The following OCA2 variants were observed in gnomAD, a reference collection of about 807,000 sequenced individuals.
OCA2 encodes OCA2 melanosomal transmembrane protein.
In OCA2, 77 loss-of-function variants were observed where a neutral mutation model predicts 100.2. The observed-to-expected ratio is 0.77, with a 90% confidence interval of 0.64 to 0.93. OCA2 has a LOEUF of 0.93. Among genes scored for constraint, OCA2 ranks in the 40% least tolerant of loss-of-function variants. The probability of loss-of-function intolerance (pLI) is 0.00; values close to 1 mark genes in which losing one functional copy is unlikely to be tolerated. For synonymous variants in OCA2, 432 were observed against 439.2 expected, an observed-to-expected ratio of 0.98 and a Z score of 0.21; for missense variants, 1,062 against 1,089.1, an observed-to-expected ratio of 0.98 and a Z score of 0.35.
intron 15 of OCA2, among the ~76,000 whole-genome samples, chr15:27,965,809 GT>G (rs2040546132): frequency 6.6e-6 from 1 of 152,206 alleles, no homozygotes; most frequent in Non-Finnish European, 1.5e-5. Flanking sequence ...AAGGCTGCTT[GT>G]TTCCCAAATA....
intron 23 of OCA2, among the ~76,000 whole-genome samples, chr15:27,825,699 A>G (rs571420101): frequency 6.6e-6 from 1 of 152,036 alleles, no homozygotes; most frequent in Non-Finnish European, 1.5e-5. Flanking sequence ...GGTTCTCCCA[A>G]CCCCACCTTT....
chr15:27,848,287 C>A (rs114608416), intron 22 of OCA2, among the ~76,000 whole-genome samples: 418 of 152,300 alleles, frequency 2.7e-3, no homozygotes, highest in Admixed American at 4.5e-3. Context: ...TTATGAGGAC[C>A]ATCACCACCT....
chr15:27,935,093 G>A lies in OCA2; in HGVS notation c.1952-8839C>T, dbSNP rs367883505. ...GGTGAGGCAGTGGTTCTTCCACAGTGTACTGGAAGCAAAAGCCACTGACGG... is the reference window on the plus strand; with the variant it reads ...GGTGAGGCAGTGGTTCTTCCACAGTATACTGGAAGCAAAAGCCACTGACGG... On this transcript the variant is annotated intron_variant, in intron 18 of 23. Transcript: ENST00000354638. Among the ~76,000 whole-genome samples the A allele has an allele frequency of 3.0e-4, 45 of 152,292 alleles. 2 individuals carry two copies. In the South Asian group the frequency reaches 8.3e-3, roughly 28 times the overall value.
At chr15:27,770,310 G>T (rs547258773) in intron 23 of OCA2, among the ~76,000 whole-genome samples, 1 of 152,294 alleles carries the variant, frequency 6.6e-6, no homozygotes, top group Non-Finnish European at 1.5e-5. Flanking sequence ...ACCCCAAGCC[G>T]GGAGGGGCCA....
At chr15:27,836,640 TG>T (rs1296943358) in intron 23 of OCA2, among the ~76,000 whole-genome samples, 5 of 152,252 alleles carry the variant, frequency 3.3e-5, no homozygotes, top group Admixed American at 1.3e-4. Context: ...GCAACTGTTT[TG>T]ACCTTTGAGA....
At chr15:27,894,089 C>T (rs1368631148) in intron 19 of OCA2, among the ~76,000 whole-genome samples, 10 of 152,212 alleles carry the variant, frequency 6.6e-5, no homozygotes, top group African/African-American at 2.4e-4. Flanking sequence ...CAGCAGCCCA[C>T]CTGTAAAATT....
intron 23 of OCA2, among the ~76,000 whole-genome samples, chr15:27,819,121 G>C (rs1217554791): frequency 6.6e-6 from 1 of 152,190 alleles, no homozygotes; most frequent in Non-Finnish European, 1.5e-5. Context: ...TGTTTCCTCA[G>C]CTGTTCAATA....
intron 15 of OCA2, among the ~76,000 whole-genome samples, chr15:27,961,160 AAAG>A (rs1458014154): frequency 6.6e-6 from 1 of 152,270 alleles, no homozygotes; most frequent in Non-Finnish European, 1.5e-5. Flanking sequence ...ACACTTCTCA[AAAG>A]AAGACATTTA....
At chr15:27,809,975 A>C (rs963595846) in intron 23 of OCA2, among the ~76,000 whole-genome samples, 1 of 152,242 alleles carries the variant, frequency 6.6e-6, no homozygotes, top group Non-Finnish European at 1.5e-5. Flanking sequence ...TGAAATTCCC[A>C]TCAAAATGCG....
At chr15:28,003,780 C>A (rs1212008305) in intron 9 of OCA2, among the ~76,000 whole-genome samples, 1 of 152,328 alleles carries the variant, frequency 6.6e-6, no homozygotes, top group East Asian at 1.9e-4. Context: ...CGGTCCCACC[C>A]CTAGCCCAGC....
intron 16 of OCA2, 36 bp from the exon 17 acceptor site, chr15:27,955,251 G>A (rs773184031): frequency 3.4e-6 from 5 of 1,490,012 alleles, no homozygotes; most frequent in Non-Finnish European, 4.7e-6. Context: ...TACTTCCCTG[G>A]TCACGCTGCG....
intron 19 of OCA2, among the ~76,000 whole-genome samples, chr15:27,886,952 T>C (rs906888843): frequency 1.3e-5 from 2 of 152,282 alleles, no homozygotes; most frequent in African/African-American, 2.4e-5. Flanking sequence ...ATAATTCTCA[T>C]GTGTTGTGGG....
At chr15:27,809,076 T>C (rs974621727) in intron 23 of OCA2, among the ~76,000 whole-genome samples, 4 of 152,146 alleles carry the variant, frequency 2.6e-5, no homozygotes, top group African/African-American at 7.2e-5. Flanking sequence ...CTCCTTCCCC[T>C]CAGTCCCCTC....
chr15:27,770,909 TCCC>T (rs2031750581), intron 23 of OCA2, among the ~76,000 whole-genome samples: 3 of 34,958 alleles, frequency 8.6e-5, no homozygotes, highest in Non-Finnish European at 1.3e-4. Context: ...TTTCCTTCCT[TCCC>T]TCCTCCCTCC....
intron 10 of OCA2, among the ~76,000 whole-genome samples, chr15:27,989,973 A>G (rs2041496496): frequency 6.6e-6 from 1 of 152,106 alleles, no homozygotes; most frequent in African/African-American, 2.4e-5. Context: ...TGCTCTCTGC[A>G]GTGCCGTGCC....
intron 23 of OCA2, among the ~76,000 whole-genome samples, chr15:27,803,841 C>T (rs1170658736): frequency 6.6e-6 from 1 of 152,090 alleles, no homozygotes; most frequent in Non-Finnish European, 1.5e-5. Flanking sequence ...TTGACAAAGA[C>T]GTAGAGAAAT....
chr15:27,865,752 C>T (rs2151472267), intron 21 of OCA2, among the ~76,000 whole-genome samples: 1 of 152,262 alleles, frequency 6.6e-6, no homozygotes, highest in South Asian at 2.1e-4. Context: ...ACAAACGTTA[C>T]AGAATGGCAA....
chr15:27,757,732 C>A (rs911409369), intron 23 of OCA2, among the ~76,000 whole-genome samples: 1 of 152,090 alleles, frequency 6.6e-6, no homozygotes, highest in Non-Finnish European at 1.5e-5. Context: ...CTTATAAATC[C>A]CTTAGAACAG....
chr15:27,805,918 C>T (rs2033826053), intron 23 of OCA2, among the ~76,000 whole-genome samples: 1 of 152,242 alleles, frequency 6.6e-6, no homozygotes, highest in Non-Finnish European at 1.5e-5. Flanking sequence ...CAAGAGCACC[C>T]TGGCCTCCGC....
Sources: gnomAD v4.1 joint callset for allele counts (sites outside exome capture counted in the v4.1 genomes callset) on GRCh38, gnomAD v4.1.1 for gene constraint, MANE v1.5 for transcripts, NCBI Gene and HGNC (gene_info 2026-07-23, HGNC 2026-07-21) for gene names.